CYTH3: variants seen among roughly 807,000 people sequenced by gnomAD.
CYTH3 encodes the protein cytohesin 3.
A neutral mutation model predicts 55.1 loss-of-function variants in CYTH3; 23 were observed. That is an observed-to-expected ratio of 0.42 (90% CI 0.30 to 0.59). The LOEUF is 0.59. Ranked by LOEUF, CYTH3 falls within the 20% of genes least tolerant of loss-of-function variation. CYTH3 has a pLI of 0.20. For missense variants in CYTH3, 413 were observed against 524.8 expected, an observed-to-expected ratio of 0.79 and a Z score of 2.08; for synonymous variants, 249 against 194.9, an observed-to-expected ratio of 1.28 and a Z score of -2.31.
At chr7:6,196,492 T>C (rs1315476995) in intron 1 of CYTH3, among the ~76,000 whole-genome samples, 6 of 151,202 alleles carry the variant, frequency 4.0e-5, no homozygotes, top group African/African-American at 1.5e-4. Context: ...GGAATTTCAT[T>C]TTTGTTGCCC....
chr7:6,192,677 G>A (rs899762228), intron 1 of CYTH3, among the ~76,000 whole-genome samples: 16 of 150,922 alleles, frequency 1.1e-4, no homozygotes, highest in East Asian at 2.0e-4. Flanking sequence ...GATTATAGGC[G>A]TGCACCACCA....
At chr7:6,255,619 A>G (rs905660287) in intron 1 of CYTH3, among the ~76,000 whole-genome samples, 3 of 152,100 alleles carry the variant, frequency 2.0e-5, no homozygotes, top group Non-Finnish European at 4.4e-5. Context: ...TCATCAAGAT[A>G]GGGAGGGAGG....
intron 1 of CYTH3, among the ~76,000 whole-genome samples, chr7:6,218,810 T>G (rs923631700): frequency 1.3e-5 from 2 of 151,932 alleles, no homozygotes; most frequent in African/African-American, 4.8e-5. Flanking sequence ...ATCGAGACCA[T>G]CCTGGCCAAC....
chr7:6,261,643 G>C (rs1228266010), intron 1 of CYTH3, among the ~76,000 whole-genome samples: 1 of 135,920 alleles, frequency 7.4e-6, no homozygotes, highest in Non-Finnish European at 1.5e-5. Flanking sequence ...AGGATCATTT[G>C]AGCCTGACTG....
intron 1 of CYTH3, among the ~76,000 whole-genome samples, chr7:6,208,895 A>C (rs1784261673): frequency 6.6e-6 from 1 of 152,216 alleles, no homozygotes; most frequent in South Asian, 2.1e-4. Context: ...AAACACTTGG[A>C]GGTAATTGTC....
At chr7:6,237,491 C>A (rs1483837202) in intron 1 of CYTH3, among the ~76,000 whole-genome samples, 3 of 152,072 alleles carry the variant, frequency 2.0e-5, no homozygotes, top group Non-Finnish European at 2.9e-5. Flanking sequence ...GGGCGGATCT[C>A]CAGGTCAGGA....
chr7:6,246,068 A>C (rs1037932932), intron 1 of CYTH3, among the ~76,000 whole-genome samples: 2 of 151,872 alleles, frequency 1.3e-5, no homozygotes, highest in African/African-American at 2.4e-5. Flanking sequence ...ATTATCCTCT[A>C]AATAATTTTT....
intron 1 of CYTH3, among the ~76,000 whole-genome samples, chr7:6,218,428 G>C (rs1372594134): frequency 6.6e-6 from 1 of 152,172 alleles, no homozygotes; most frequent in Non-Finnish European, 1.5e-5. Context: ...ATGGAGCACG[G>C]CCCATTGGAC....
intron 1 of CYTH3, among the ~76,000 whole-genome samples, chr7:6,263,469 T>C (rs1220552918): frequency 3.3e-5 from 5 of 152,180 alleles, no homozygotes; most frequent in Admixed American, 2.0e-4. Flanking sequence ...TCAGTACCGT[T>C]TGTAACACCA....
intron 1 of CYTH3, among the ~76,000 whole-genome samples, chr7:6,264,242 C>T (rs918071548): frequency 2.7e-5 from 4 of 150,326 alleles, no homozygotes; most frequent in African/African-American, 7.4e-5. Flanking sequence ...GGCAAAACTC[C>T]GTCTCAAAAG....
In CYTH3 at chr7:6,165,479, C is replaced by T. The variant is rs753942351; in HGVS notation, c.973-52G>A. ...GGTCAGGGGGGCTTGGGGCAGGTTC[C>T]CTGCAGGCAGTGAGGATGGCTCCCA... On this transcript the variant is annotated intron_variant, in intron 11 of 12. Transcript: ENST00000350796. The T allele has an allele frequency of 2.5e-5, 41 of 1,609,182 alleles. No homozygotes were observed. The East Asian group carries it at 8.3e-4, about 32-fold the overall frequency.
chr7:6,270,750 T>C (rs1375384639), intron 1 of CYTH3, among the ~76,000 whole-genome samples: 1 of 152,248 alleles, frequency 6.6e-6, no homozygotes. Flanking sequence ...CCCTGTGATA[T>C]ATTCCCAGAA....
intron 1 of CYTH3, among the ~76,000 whole-genome samples, chr7:6,267,140 A>G (rs1166373893): frequency 6.6e-6 from 1 of 152,138 alleles, no homozygotes; most frequent in African/African-American, 2.4e-5. Flanking sequence ...ACCTTCCATT[A>G]TGAGTAAAAA....
At chr7:6,239,447 T>C (rs1482782853) in intron 1 of CYTH3, among the ~76,000 whole-genome samples, 1 of 152,036 alleles carries the variant, frequency 6.6e-6, no homozygotes, top group Non-Finnish European at 1.5e-5. Flanking sequence ...CCCTACTATC[T>C]CTCCTAAGCT....
intron 1 of CYTH3, among the ~76,000 whole-genome samples, chr7:6,195,521 C>G (rs1042358980): frequency 9.2e-5 from 14 of 152,122 alleles, no homozygotes; most frequent in African/African-American, 3.1e-4. Context: ...ATGGCACGAT[C>G]TGGGCTCACT....
At chr7:6,177,973 G>C (rs1244948321) in intron 4 of CYTH3, 32 bp from the exon 5 acceptor site, 5 of 1,520,650 alleles carry the variant, frequency 3.3e-6, no homozygotes, top group Non-Finnish European at 3.7e-6. Flanking sequence ...GCACTGGTTA[G>C]GAGTGTCACT....
Position 6,177,397 on chromosome 7 carries a change from G to C in CYTH3, c.368+426C>G, listed in dbSNP as rs1162984223. 3.3e-5 allele frequency among the ~76,000 whole-genome samples: 5 copies of C among 152,176 alleles called. No individual in the cohort carries two copies. The East Asian group carries it at 9.6e-4, about 29-fold the overall frequency. On this transcript the variant is annotated intron_variant, in intron 5 of 12. Transcript: ENST00000350796. The stretch of plus-strand genomic sequence containing the variant: ...CCAGTCGCAGTCAGAAAGTAAATCT[G>C]ACCTGCTGCTTTCCATTAAAAAAAT...
Position 6,163,085 on chromosome 7 carries a change from A to G in CYTH3, c.*1859T>C, listed in dbSNP as rs144245685. ...ACTAAAACTTCCGATTTGAGGTATC[A>G]GTAACAAAGCCTAAGAACGTGGGAA... On this transcript the variant is annotated 3_prime_UTR_variant, in exon 13 of 13. Coordinates refer to ENST00000350796, the MANE Select transcript of CYTH3 (RefSeq NM_004227.4). The G allele has an allele frequency of 1.8e-4, 28 of 152,826 alleles. No individual in the cohort carries two copies. Among genetic ancestry groups the G allele is most frequent in the African/African-American group, 6.2e-4 (26 of 41,602 alleles). 9.5% of individuals were successfully genotyped at this position (152,826 alleles called of 1,614,324 possible).
chr7:6,216,045 C>T (rs1784416637), intron 1 of CYTH3, among the ~76,000 whole-genome samples: 1 of 152,094 alleles, frequency 6.6e-6, no homozygotes, highest in Non-Finnish European at 1.5e-5. Context: ...GAATGGCTAG[C>T]GGGAGTTCTC....
Sources: gnomAD v4.1 joint callset for allele counts (sites outside exome capture counted in the v4.1 genomes callset) on GRCh38, gnomAD v4.1.1 for gene constraint, MANE v1.5 for transcripts, NCBI Gene and HGNC (gene_info 2026-07-23, HGNC 2026-07-21) for gene names.